Variants in POU6F1 observed in about 807,000 individuals in gnomAD.
POU6F1 encodes the protein POU domain, class 6, transcription factor 1.
A neutral mutation model predicts 28.9 loss-of-function variants in POU6F1; 9 were observed. The ratio of observed to expected loss-of-function variants is 0.31; its 90% CI spans 0.19 to 0.54. The LOEUF (loss-of-function observed/expected upper bound fraction) is 0.54, where lower values mean the gene tolerates loss of function less well. POU6F1 is among the 20% of genes least tolerant of loss of function. The pLI is 0.94. For synonymous variants in POU6F1, 173 were observed against 171.1 expected (o/e 1.01, Z -0.09); for missense variants, 338 against 426.1 (o/e 0.79, Z 1.82).
chr12:51,193,457 T>A (rs528227760), intron 8 of POU6F1, among the ~76,000 whole-genome samples: 4 of 152,152 alleles, frequency 2.6e-5, no homozygotes, highest in Non-Finnish European at 5.9e-5. Flanking sequence ...GCACCTATAA[T>A]CCCGGCTACT....
chr12:51,208,294 T>G (rs58560201), intron 1 of POU6F1, among the ~76,000 whole-genome samples: 10,052 of 151,830 alleles, frequency 0.066, 559 homozygotes, highest in East Asian at 0.2. Flanking sequence ...AACCAGACCC[T>G]GTCTCAAAAA....
At chr12:51,192,766 A>C (rs1942512960) in intron 8 of POU6F1, among the ~76,000 whole-genome samples, 1 of 152,122 alleles carries the variant, frequency 6.6e-6, no homozygotes, top group African/African-American at 2.4e-5. Context: ...TTAGCTGGGC[A>C]TGGTGGTGGG....
chr12:51,192,630 C>T (rs1942504799), intron 8 of POU6F1, among the ~76,000 whole-genome samples, 159 bp from the exon 9 acceptor site: 1 of 152,222 alleles, frequency 6.6e-6, no homozygotes, highest in South Asian at 2.1e-4. Flanking sequence ...CTAGGCAGGG[C>T]ATGGTGGCTG....
chr12:51,208,136 G>A (rs1228031947), intron 1 of POU6F1, among the ~76,000 whole-genome samples: 1 of 150,140 alleles, frequency 6.7e-6, no homozygotes, highest in Non-Finnish European at 1.5e-5. Flanking sequence ...AAAATTAGCT[G>A]GGCATGATGG....
rs1944354636 is a variant in POU6F1 at position 51,217,585 on chromosome 12, G to T, written c.-48+57C>A. 2 of 151,476 alleles carry T rather than the reference G, an allele frequency of 1.3e-5. No individual in the cohort carries two copies. The highest frequency in any genetic ancestry group is 4.9e-5 in the African/African-American group (2 of 41,172). The allele number at this position is 151,476 out of a possible 1,614,324, so 9.4% of individuals were successfully genotyped here. A position where few individuals can be genotyped will look rare whatever the true frequency, so the allele number is the denominator to read the frequency against. On this transcript the variant is annotated intron_variant, in intron 1 of 10. Coordinates refer to ENST00000333640, the MANE Select transcript of POU6F1 (RefSeq NM_001330422.2). This position sits in a 1 kb window ranked among gnomAD's most constrained non-coding sequence, Gnocchi z 5.3. ...ATTAACCAAACCCGAAACCTCCCCT[G>T]CCCGGCCCCCTCCCCCTCCGTGCAA...
intron 8 of POU6F1, among the ~76,000 whole-genome samples, chr12:51,193,732 T>C (rs756951947): frequency 2.6e-5 from 4 of 152,240 alleles, no homozygotes; most frequent in African/African-American, 9.6e-5. Context: ...AAGGAATTTT[T>C]ACTTTTTACA....
intron 1 of POU6F1, among the ~76,000 whole-genome samples, chr12:51,208,230 G>A (rs2137203587): frequency 6.6e-6 from 1 of 152,186 alleles, no homozygotes; most frequent in South Asian, 2.1e-4. Context: ...GCTTGAGCCT[G>A]GGAGGCAGAG....
At position 51,217,711 on chromosome 12, in the gene POU6F1, CCCGGGCCAGGGGG is replaced by C. The variant is rs1944363902; in HGVS notation, c.-130_-118del. 6.6e-6 allele frequency: 1 copy of C among 151,998 alleles called. No homozygotes were observed. The highest frequency in any genetic ancestry group is 1.5e-5 in the Non-Finnish European group (1 of 67,782). 9.4% of individuals were successfully genotyped at this position (151,998 alleles called of 1,614,324 possible). On this transcript the variant is annotated 5_prime_UTR_variant, in exon 1 of 11. Coordinates refer to ENST00000333640, the MANE Select transcript of POU6F1 (RefSeq NM_001330422.2). The surrounding 1 kb of genome is among the most constrained non-coding windows in gnomAD (Gnocchi z 5.3). ...CACCGATTAGAGATTCATCTCACAG[CCCGGGCCAGGGGG>C]CCGGGGCCGGGGCCGGGGCCACGGC...
intron 7 of POU6F1, 88 bp from the exon 8 acceptor site, chr12:51,196,261 G>C: frequency 8.8e-7 from 1 of 1,135,916 alleles, no homozygotes; most frequent in Non-Finnish European, 1.2e-6. Context: ...CAGGGGAACA[G>C]ACTAATGGAC....
chr12:51,208,643 G>A (rs965290669), intron 1 of POU6F1, among the ~76,000 whole-genome samples: 4 of 152,138 alleles, frequency 2.6e-5, no homozygotes, highest in African/African-American at 9.7e-5. Context: ...AAGGTAATTA[G>A]GAATGGGATT....
intron 8 of POU6F1, 98 bp downstream of exon 8, chr12:51,195,872 G>A: frequency 7.4e-7 from 1 of 1,346,916 alleles, no homozygotes; most frequent in Non-Finnish European, 1.0e-6. Context: ...ACTCCCAGGA[G>A]TTTCAGAAGA....
At chr12:51,195,502 A>T (rs1219475556) in intron 8 of POU6F1, among the ~76,000 whole-genome samples, 2 of 46,412 alleles carry the variant, frequency 4.3e-5, no homozygotes, top group African/African-American at 2.2e-4. Flanking sequence ...TGTCTTCAGC[A>T]CTTGGAATAA....
rs1042516328 is a variant in POU6F1 at position 51,190,147 on chromosome 12, C to T, written c.*100G>A. The T allele has an allele frequency of 1.3e-6, 2 of 1,498,702 alleles. No homozygotes were observed. The highest frequency in any genetic ancestry group is 2.8e-5 in the African/African-American group (2 of 72,150). The allele number at this position is 1,498,702 out of a possible 1,614,324, so 92.8% of individuals were successfully genotyped here. A position where few individuals can be genotyped will look rare whatever the true frequency, so the allele number is the denominator to read the frequency against. On this transcript the variant is annotated 3_prime_UTR_variant, in exon 11 of 11. Transcript: ENST00000333640. This position sits in a 1 kb window ranked among gnomAD's most constrained non-coding sequence, Gnocchi z 4.5. The stretch of plus-strand genomic sequence containing the variant: ...GTCTGATGACCTGGGGTGAGCACAG[C>T]TGCACGTGGCAAAATGACAGGTGCT...
chr12:51,195,253 C>G (rs1269072323), intron 8 of POU6F1, among the ~76,000 whole-genome samples: 1 of 152,184 alleles, frequency 6.6e-6, no homozygotes, highest in Admixed American at 6.5e-5. Flanking sequence ...TCCGCCTTAG[C>G]CTCCTGAGTA....
chr12:51,200,258 T>C (rs995798107), intron 3 of POU6F1, among the ~76,000 whole-genome samples: 1 of 152,208 alleles, frequency 6.6e-6, no homozygotes, highest in Non-Finnish European at 1.5e-5. Flanking sequence ...TGGGAGCGGC[T>C]GTCCTTGGTT....
At chr12:51,214,791 C>T (rs1353589427) in intron 1 of POU6F1, among the ~76,000 whole-genome samples, 2 of 151,618 alleles carry the variant, frequency 1.3e-5, no homozygotes, top group Non-Finnish European at 2.9e-5. Context: ...ATAACAAACC[C>T]AAACAAACAA....
chr12:51,213,131 T>G (rs1017443692), intron 1 of POU6F1, among the ~76,000 whole-genome samples: 4 of 152,068 alleles, frequency 2.6e-5, no homozygotes, highest in African/African-American at 9.7e-5. Flanking sequence ...GAGACGGGGT[T>G]TCACCATGTT....
chr12:51,188,909 T>C lies in POU6F1; in HGVS notation c.*1338A>G, dbSNP rs949236479. The C allele has an allele frequency of 3.3e-5, 5 of 152,182 alleles. No homozygotes were observed. Among genetic ancestry groups the C allele is most frequent in the African/African-American group, 1.2e-4 (5 of 41,440 alleles). 9.4% of individuals were successfully genotyped at this position (152,182 alleles called of 1,614,324 possible). ...CAGTTCTCTCCTGACTTCCTGGAGT[T>C]ACATACTGAATTTTAGGGGCTTTCC... On this transcript the variant is annotated 3_prime_UTR_variant, in exon 11 of 11. Coordinates refer to ENST00000333640, the MANE Select transcript of POU6F1 (RefSeq NM_001330422.2).
intron 3 of POU6F1, among the ~76,000 whole-genome samples, chr12:51,201,185 A>G (rs112452850): frequency 2.5e-4 from 38 of 152,204 alleles, no homozygotes; most frequent in African/African-American, 8.2e-4. Context: ...ACCCTGCAGT[A>G]CTAGTCCATG....
Sources: allele counts gnomAD v4.1 joint callset (sites outside exome capture counted in the v4.1 genomes callset), GRCh38; gene constraint gnomAD v4.1.1; non-coding constraint Gnocchi (gnomAD v3.1); transcripts MANE v1.5; gene names NCBI Gene and HGNC (gene_info 2026-07-23, HGNC 2026-07-21).